Variants in RBFOX1 observed in about 807,000 individuals in gnomAD.
RBFOX1 encodes RNA binding fox-1 homolog 1.
In RBFOX1, 8 loss-of-function variants were observed where a neutral mutation model predicts 57.7. That is an observed-to-expected ratio of 0.14 (90% confidence interval 0.08 to 0.25). RBFOX1 has a LOEUF of 0.25. Ranked by LOEUF, RBFOX1 falls within the 10% of genes least tolerant of loss-of-function variation. RBFOX1 has a pLI of 1.00. For missense variants in RBFOX1, 611 were observed against 548.5 expected, an observed-to-expected ratio of 1.11 and a Z score of -1.14; for synonymous variants, 326 against 222.4, an observed-to-expected ratio of 1.47 and a Z score of -4.15.
intron 3 of RBFOX1, among the ~76,000 whole-genome samples, chr16:6,655,605 G>C (rs1338820863): frequency 6.6e-6 from 1 of 152,058 alleles, no homozygotes; most frequent in Non-Finnish European, 1.5e-5. Flanking sequence ...TATTTTCACA[G>C]TCTCTTTTTA....
intron 13 of RBFOX1, among the ~76,000 whole-genome samples, chr16:7,665,642 C>A (rs1467862707): frequency 6.6e-6 from 1 of 152,102 alleles, no homozygotes; most frequent in Non-Finnish European, 1.5e-5. Flanking sequence ...CTATGTTCAT[C>A]TAGAGGTAGT....
intron 2 of RBFOX1, among the ~76,000 whole-genome samples, chr16:6,442,585 C>T (rs2094407479): frequency 6.6e-6 from 1 of 150,904 alleles, no homozygotes; most frequent in African/African-American, 2.4e-5. Flanking sequence ...AAAAAAGAAA[C>T]AGTGTTCCTC....
intron 2 of RBFOX1, among the ~76,000 whole-genome samples, chr16:6,431,983 A>T (rs2094113636): frequency 7.0e-6 from 1 of 141,986 alleles, no homozygotes; most frequent in East Asian, 2.2e-4. Context: ...TGAAATAGAG[A>T]CAGGGTCATA....
chr16:5,263,805 T>C (rs943780270), intron 1 of RBFOX1, among the ~76,000 whole-genome samples: 4 of 152,108 alleles, frequency 2.6e-5, no homozygotes, highest in African/African-American at 9.7e-5. Context: ...CAGAAGAGGT[T>C]TAAAGTCAAT....
intron 3 of RBFOX1, among the ~76,000 whole-genome samples, chr16:6,700,542 C>G (rs1223985281): frequency 1.3e-5 from 2 of 152,038 alleles, no homozygotes; most frequent in Admixed American, 6.6e-5. Flanking sequence ...CCTGTAATCT[C>G]AGCTATTCAG....
intron 3 of RBFOX1, among the ~76,000 whole-genome samples, chr16:5,793,342 C>G (rs1301113961): frequency 6.6e-6 from 1 of 152,232 alleles, no homozygotes. Flanking sequence ...CTTGTTTTGT[C>G]AACATGCCAT....
At chr16:6,931,340 TACACACAC>T (rs1555640313) in intron 3 of RBFOX1, among the ~76,000 whole-genome samples, 5 of 107,010 alleles carry the variant, frequency 4.7e-5, no homozygotes, top group Admixed American at 3.5e-4. Context: ...TATCTATCTC[TACACACAC>T]ACACACACAC....
intron 2 of RBFOX1, among the ~76,000 whole-genome samples, chr16:6,616,902 C>T (rs192732539): frequency 1.3e-5 from 2 of 152,244 alleles, no homozygotes; most frequent in East Asian, 3.9e-4. Flanking sequence ...TTTATTGGAA[C>T]ACAGTCATGC....
rs544494243 is a variant in RBFOX1, at chr16:7,083,629, T to C, written c.27+31531T>C. On this transcript the variant is annotated intron_variant, in intron 4 of 15. Coordinates refer to ENST00000550418, the MANE Select transcript of RBFOX1 (RefSeq NM_018723.4). ...GATGCACAAGAAACAACTTATTACATTATTCATTTTTAATCAGTTTAATTT... is the reference window on the plus strand; with the variant it reads ...GATGCACAAGAAACAACTTATTACACTATTCATTTTTAATCAGTTTAATTT... Among the ~76,000 whole-genome samples the C allele has an allele frequency of 1.1e-3, 164 of 152,172 alleles. 1 individual carries two copies. The highest frequency in any genetic ancestry group is 3.7e-3 in the African/African-American group (155 of 41,536).
chr16:5,361,752 CT>C (rs1330353294), intron 1 of RBFOX1, among the ~76,000 whole-genome samples: 4 of 152,214 alleles, frequency 2.6e-5, no homozygotes, highest in African/African-American at 7.2e-5. Flanking sequence ...AAGTTGTATT[CT>C]TGCTCAGGCC....
At chr16:6,103,337 A>C (rs1431291532) in intron 1 of RBFOX1, among the ~76,000 whole-genome samples, 9 of 152,218 alleles carry the variant, frequency 5.9e-5, no homozygotes, top group African/African-American at 1.9e-4. Flanking sequence ...TATTCCCTTC[A>C]TAAGTATTTT....
chr16:6,976,282 A>G (rs1395596009), intron 3 of RBFOX1, among the ~76,000 whole-genome samples: 2 of 152,158 alleles, frequency 1.3e-5, no homozygotes, highest in Non-Finnish European at 2.9e-5. Context: ...TACTGAGAAC[A>G]AGAATTTGAA....
intron 5 of RBFOX1, among the ~76,000 whole-genome samples, chr16:7,534,834 C>A (rs2081096164): frequency 6.6e-6 from 1 of 152,146 alleles, no homozygotes; most frequent in Non-Finnish European, 1.5e-5. Context: ...GCTCAAACGT[C>A]TTGACTTGCC....
At chr16:7,088,222 G>A (rs539960218) in intron 4 of RBFOX1, among the ~76,000 whole-genome samples, 4 of 152,280 alleles carry the variant, frequency 2.6e-5, no homozygotes, top group East Asian at 1.9e-4. Flanking sequence ...TAGGGAAGTC[G>A]GGTTAGACAT....
chr16:5,620,073 C>T (rs1189147119), intron 3 of RBFOX1, among the ~76,000 whole-genome samples: 1 of 151,782 alleles, frequency 6.6e-6, no homozygotes, highest in Non-Finnish European at 1.5e-5. Flanking sequence ...CCTACTGTTT[C>T]ATTGGCCTCG....
intron 2 of RBFOX1, among the ~76,000 whole-genome samples, chr16:6,573,093 C>G (rs1345297): frequency 6.6e-6 from 1 of 152,122 alleles, no homozygotes; most frequent in South Asian, 2.1e-4. Flanking sequence ...TCTGCTCCCT[C>G]AGACCCTAGA....
chr16:6,888,628 G>C lies in RBFOX1; in HGVS notation c.-15-163429G>C, dbSNP rs544808873. ...TAGAGGTCTTTTGGTTCATCAGGCT[G>C]TTCCTTGCAGGTCAGTATTTATACT... On this transcript the variant is annotated intron_variant, in intron 3 of 15. Coordinates refer to ENST00000550418, the MANE Select transcript of RBFOX1 (RefSeq NM_018723.4). Among the ~76,000 whole-genome samples the C allele has an allele frequency of 8.3e-4, 126 of 152,222 alleles. 1 individual carries two copies. Among genetic ancestry groups the C allele is most frequent in the Admixed American group, 2.6e-3 (39 of 15,268 alleles).
chr16:6,846,246 A>G (rs990754000), intron 3 of RBFOX1, among the ~76,000 whole-genome samples: 2 of 152,050 alleles, frequency 1.3e-5, no homozygotes, highest in Non-Finnish European at 2.9e-5. Flanking sequence ...TGATAGCTTC[A>G]CCTCCTATTA....
chr16:6,238,440 C>T (rs924815612), intron 1 of RBFOX1, among the ~76,000 whole-genome samples: 2 of 152,166 alleles, frequency 1.3e-5, no homozygotes, highest in Non-Finnish European at 2.9e-5. Flanking sequence ...TCGTAGGATG[C>T]CTCCTGGCAT....
Sources: allele counts gnomAD v4.1 joint callset (sites outside exome capture counted in the v4.1 genomes callset), GRCh38; gene constraint gnomAD v4.1.1; transcripts MANE v1.5; gene names NCBI Gene and HGNC (gene_info 2026-07-23, HGNC 2026-07-21).